The following ZNF516 variants were observed in gnomAD, a reference collection of about 807,000 sequenced individuals.
ZNF516 encodes the protein zinc finger protein 516.
ZNF516 carries 19 observed loss-of-function variants against 79.7 expected under a neutral mutation model. That is an observed-to-expected ratio of 0.24 (90% confidence interval 0.17 to 0.35). The LOEUF is 0.35. ZNF516 is among the 10% of genes least tolerant of loss of function. ZNF516 has a pLI of 1.00. For missense variants in ZNF516, 1,678 were observed against 1,679.5 expected (o/e 1.00, Z 0.02); for synonymous variants, 877 against 739.5 (o/e 1.19, Z -3.02).
At chr18:76,388,016 G>A (rs80284304) in intron 3 of ZNF516, 3,552 of 152,396 alleles carry the variant, frequency 0.023, 133 homozygotes, top group African/African-American at 0.081. Context: ...GAAAAGAGAA[G>A]GAGCATCTGA....
intron 3 of ZNF516, among the ~76,000 whole-genome samples, chr18:76,411,787 G>T (rs2075374712): frequency 6.6e-6 from 1 of 152,124 alleles, no homozygotes; most frequent in Non-Finnish European, 1.5e-5. Flanking sequence ...GACAGTCTCT[G>T]CCAGGAGCCC....
rs571704486 is a variant in ZNF516, at chr18:76,402,126, G to A, written c.1811-21823C>T. Reference sequence around the variant, plus strand: ...TTGTATATGCACAAGCCTTAGCCCCGCGCCTTCTATTTGCTGAAGACATCG... The same window carrying A: ...TTGTATATGCACAAGCCTTAGCCCCACGCCTTCTATTTGCTGAAGACATCG... On this transcript the variant is annotated intron_variant, in intron 3 of 6. Transcript: ENST00000443185. Among the ~76,000 whole-genome samples, 29 of 152,276 alleles carry A rather than the reference G, an allele frequency of 1.9e-4. No homozygotes were observed. The East Asian group carries it at 2.9e-3, about 15-fold the overall frequency.
Position 76,440,200 on chromosome 18 carries a change from T to C in ZNF516, c.1810+1045A>G, listed in dbSNP as rs569155175. Among the ~76,000 whole-genome samples, 3 of 99,918 alleles carry C rather than the reference T, an allele frequency of 3.0e-5. No homozygotes were observed. The East Asian group carries it at 8.2e-4, about 27-fold the overall frequency. The allele number at this position is 99,918 out of a possible 152,430, so 65.6% of individuals were successfully genotyped here. A position where few individuals can be genotyped will look rare whatever the true frequency, so the allele number is the denominator to read the frequency against. On this transcript the variant is annotated intron_variant, in intron 3 of 6. Transcript: ENST00000443185. ...CATTTCAGTGTAACAGACCCTCACATAACACACTGTGTAAGACGCTAATAA... is the reference window on the plus strand; with the variant it reads ...CATTTCAGTGTAACAGACCCTCACACAACACACTGTGTAAGACGCTAATAA...
intron 2 of ZNF516, among the ~76,000 whole-genome samples, chr18:76,457,500 G>C (rs971428531): frequency 2.0e-5 from 3 of 152,210 alleles, no homozygotes; most frequent in Non-Finnish European, 2.9e-5. Context: ...CCTGAGCCCA[G>C]GAGTTCAAGA....
intron 4 of ZNF516, among the ~76,000 whole-genome samples, chr18:76,372,039 G>C (rs970146302): frequency 7.5e-4 from 114 of 152,210 alleles, no homozygotes; most frequent in African/African-American, 2.6e-3. Flanking sequence ...TGCGGCCACA[G>C]GGTGGCCCCA....
intron 1 of ZNF516, among the ~76,000 whole-genome samples, chr18:76,484,494 C>T (rs1914716213): frequency 6.6e-6 from 1 of 152,158 alleles, no homozygotes; most frequent in African/African-American, 2.4e-5. Context: ...AAATGGCGGC[C>T]GCCCTAACCC....
chr18:76,402,778 T>C lies in ZNF516; in HGVS notation c.1811-22475A>G, dbSNP rs117145635. 6.9e-3 allele frequency among the ~76,000 whole-genome samples: 1,051 copies of C among 152,388 alleles called. 4 individuals are homozygous for C. Among genetic ancestry groups the C allele is most frequent in the South Asian group, 0.017 (83 of 4,830 alleles). ...GAGCTCCATCGGGCCGCTGCGCTTC[T>C]ATCAGCTTGAGCTGATGCCCTCCGT... is the stretch of plus-strand genomic sequence containing the variant. On this transcript the variant is annotated intron_variant, in intron 3 of 6. Transcript: ENST00000443185.
chr18:76,404,044 C>T (rs1170500723), intron 3 of ZNF516, among the ~76,000 whole-genome samples: 1 of 152,222 alleles, frequency 6.6e-6, no homozygotes, highest in Non-Finnish European at 1.5e-5. Flanking sequence ...CTCCTGTCCA[C>T]TGGGCAGGGC....
At chr18:76,389,176 CTGAG>C (rs2075033888) in intron 3 of ZNF516, 2 of 151,970 alleles carry the variant, frequency 1.3e-5, no homozygotes, top group African/African-American at 4.8e-5. Flanking sequence ...CAGGTGGCAT[CTGAG>C]AATCATCTGT....
intron 3 of ZNF516, among the ~76,000 whole-genome samples, chr18:76,390,293 T>G (rs141100645): frequency 1.3e-5 from 2 of 152,294 alleles, no homozygotes; most frequent in African/African-American, 4.8e-5. Context: ...TGAGCAAATC[T>G]ACCAGAAAAT....
intron 3 of ZNF516, among the ~76,000 whole-genome samples, chr18:76,424,854 C>T (rs1474655140): frequency 4.2e-5 from 6 of 141,442 alleles, no homozygotes; most frequent in South Asian, 4.6e-4. Flanking sequence ...ATGAAACACA[C>T]GCAGGTGAAA....
chr18:76,384,803 C>T (rs1347723429), intron 3 of ZNF516, among the ~76,000 whole-genome samples: 1 of 152,112 alleles, frequency 6.6e-6, no homozygotes, highest in Non-Finnish European at 1.5e-5. Flanking sequence ...CTCCTCAGTC[C>T]CCACCAATCT....
chr18:76,369,368 A>G (rs1488815374), intron 6 of ZNF516, among the ~76,000 whole-genome samples: 3 of 152,204 alleles, frequency 2.0e-5, no homozygotes, highest in Admixed American at 1.3e-4. Context: ...TCAACAATAC[A>G]TGAAGCAAAG....
chr18:76,460,965 T>C lies in ZNF516; in HGVS notation c.-158+2063A>G, dbSNP rs556589161. 6.6e-5 allele frequency among the ~76,000 whole-genome samples: 10 copies of C among 152,244 alleles called. No homozygotes were observed. The East Asian group carries it at 7.7e-4, about 12-fold the overall frequency. ...TAGGAACCCGAGGCAAGTGGATCAA[T>C]TGAGGTCAGGGAGACCAGCCTGGCC... On this transcript the variant is annotated intron_variant, in intron 2 of 6. Coordinates refer to ENST00000443185, the MANE Select transcript of ZNF516 (RefSeq NM_014643.4).
intron 3 of ZNF516, among the ~76,000 whole-genome samples, chr18:76,406,051 T>A (rs76950701): frequency 6.6e-6 from 1 of 152,118 alleles, no homozygotes; most frequent in Non-Finnish European, 1.5e-5. Flanking sequence ...CCAGCTGTCA[T>A]CAGACGACAG....
chr18:76,389,600 C>T (rs774097625), intron 3 of ZNF516, among the ~76,000 whole-genome samples: 10 of 152,208 alleles, frequency 6.6e-5, no homozygotes. Context: ...AAATTGCTAA[C>T]TAGACAGGAG....
intron 1 of ZNF516, among the ~76,000 whole-genome samples, chr18:76,464,602 T>C (rs1172422116): frequency 1.3e-5 from 2 of 151,546 alleles, no homozygotes; most frequent in African/African-American, 2.4e-5. Flanking sequence ...CCATTTCAGA[T>C]GGGGACAGTG....
chr18:76,388,038 A>T, intron 3 of ZNF516: 1 of 152,202 alleles, frequency 6.6e-6, no homozygotes, highest in East Asian at 1.9e-4. Flanking sequence ...CATCGAGAGG[A>T]GTATGGCTGC....
At chr18:76,480,466 CAT>C (rs1284295949) in intron 1 of ZNF516, among the ~76,000 whole-genome samples, 1 of 150,048 alleles carries the variant, frequency 6.7e-6, no homozygotes, top group East Asian at 2.0e-4. Flanking sequence ...CTGGTTTTTA[CAT>C]ATATATACAC....
Sources: allele counts gnomAD v4.1 joint callset (sites outside exome capture counted in the v4.1 genomes callset), GRCh38; gene constraint gnomAD v4.1.1; transcripts MANE v1.5; gene names NCBI Gene and HGNC (gene_info 2026-07-23, HGNC 2026-07-21).